The following NCAM2 variants were observed in gnomAD, a reference collection of about 807,000 sequenced individuals.
NCAM2 encodes the protein neural cell adhesion molecule 2, also known as N-CAM-2.
NCAM2 carries 30 observed loss-of-function variants against 98.1 expected under a neutral mutation model. The observed-to-expected ratio is 0.31, with a 90% CI of 0.23 to 0.41. NCAM2 has a LOEUF of 0.41. NCAM2 is among the 10% of genes least tolerant of loss of function. The pLI is 1.00. For missense variants in NCAM2, 867 were observed against 1,005.8 expected, an observed-to-expected ratio of 0.86 and a Z score of 1.87; for synonymous variants, 368 against 342.4, an observed-to-expected ratio of 1.07 and a Z score of -0.83.
chr21:21,468,590 T>C, intron 13 of NCAM2, 72 bp from the exon 14 acceptor site: 2 of 1,439,524 alleles, frequency 1.4e-6, no homozygotes, highest in Non-Finnish European at 1.9e-6. Context: ...TTACTGTTCT[T>C]TTTATTAAAA....
intron 1 of NCAM2, among the ~76,000 whole-genome samples, chr21:21,114,385 A>G (rs2066512467): frequency 6.6e-6 from 1 of 152,222 alleles, no homozygotes; most frequent in South Asian, 2.1e-4. Context: ...TTGTCTGTTT[A>G]AAAATATCAT....
At chr21:21,114,321 T>C (rs1344758448) in intron 1 of NCAM2, among the ~76,000 whole-genome samples, 1 of 152,182 alleles carries the variant, frequency 6.6e-6, no homozygotes, top group East Asian at 1.9e-4. Context: ...TCTACAAAAA[T>C]TGTATTCTTT....
chr21:21,382,812 G>A (rs531107459), intron 9 of NCAM2, among the ~76,000 whole-genome samples: 8 of 152,070 alleles, frequency 5.3e-5, no homozygotes, highest in Non-Finnish European at 8.8e-5. Flanking sequence ...TTACAGGCGG[G>A]AGCCACTGCG....
intron 1 of NCAM2, among the ~76,000 whole-genome samples, chr21:21,253,813 C>G (rs62209210): frequency 0.024 from 3,635 of 152,174 alleles, 72 homozygotes; most frequent in Admixed American, 0.055. Flanking sequence ...AGGGAAATCG[C>G]TTAAACACTT....
intron 1 of NCAM2, among the ~76,000 whole-genome samples, chr21:21,042,034 C>T (rs73895159): frequency 3.3e-5 from 5 of 152,108 alleles, no homozygotes; most frequent in African/African-American, 9.7e-5. Flanking sequence ...CCCTTCCTAA[C>T]ATATTTTCAT....
chr21:21,168,536 TA>T (rs1278484505), intron 1 of NCAM2, among the ~76,000 whole-genome samples: 3 of 152,078 alleles, frequency 2.0e-5, no homozygotes, highest in Non-Finnish European at 4.4e-5. Flanking sequence ...GGTGTTTATT[TA>T]AAAAATCCAA....
intron 1 of NCAM2, among the ~76,000 whole-genome samples, chr21:21,048,820 A>T (rs763590726): frequency 9.9e-5 from 15 of 152,194 alleles, no homozygotes; most frequent in Non-Finnish European, 2.1e-4. Flanking sequence ...AAAATATTTT[A>T]CAGAGTTTGA....
chr21:21,409,926 G>T (rs565324024), intron 9 of NCAM2, among the ~76,000 whole-genome samples: 2 of 152,180 alleles, frequency 1.3e-5, no homozygotes, highest in East Asian at 3.9e-4. Flanking sequence ...GAGGTCAGGA[G>T]ATCGAGACCA....
chr21:21,329,390 T>C (rs547262534), intron 6 of NCAM2, among the ~76,000 whole-genome samples: 2 of 152,180 alleles, frequency 1.3e-5, no homozygotes, highest in Admixed American at 1.3e-4. Context: ...CTAGGAGAAA[T>C]AGGCCATACC....
intron 1 of NCAM2, among the ~76,000 whole-genome samples, chr21:21,208,110 A>G (rs1011198066): frequency 2.0e-5 from 3 of 152,198 alleles, no homozygotes; most frequent in Non-Finnish European, 4.4e-5. Flanking sequence ...ATGCTGTGTT[A>G]GATCATAAGC....
intron 8 of NCAM2, among the ~76,000 whole-genome samples, chr21:21,353,571 C>A (rs1474594889): frequency 1.2e-4 from 18 of 152,104 alleles, no homozygotes; most frequent in Non-Finnish European, 1.5e-5. Context: ...ATTCTCAGGC[C>A]ACTCTTAAGT....
intron 1 of NCAM2, among the ~76,000 whole-genome samples, chr21:21,258,988 C>T (rs73318631): frequency 0.017 from 2,640 of 152,244 alleles, 77 homozygotes; most frequent in African/African-American, 0.06. Context: ...CGGCCACGAA[C>T]AGATGTGGAG....
At chr21:21,030,430 C>G (rs2064654917) in intron 1 of NCAM2, among the ~76,000 whole-genome samples, 1 of 152,254 alleles carries the variant, frequency 6.6e-6, no homozygotes, top group East Asian at 1.9e-4. Context: ...AGAAGTTTCC[C>G]TCCTCTTCTG....
At chr21:21,396,544 T>C (rs767526802) in intron 9 of NCAM2, among the ~76,000 whole-genome samples, 2 of 152,104 alleles carry the variant, frequency 1.3e-5, no homozygotes, top group African/African-American at 4.8e-5. Flanking sequence ...GCTCATGCTA[T>C]TGGCCTAGAT....
At chr21:21,022,312 T>C (rs2146190623) in intron 1 of NCAM2, among the ~76,000 whole-genome samples, 1 of 152,248 alleles carries the variant, frequency 6.6e-6, no homozygotes, top group African/African-American at 2.4e-5. Flanking sequence ...ATACAACACT[T>C]TCCTTCTCAA....
chr21:21,240,672 C>G (rs771134788), intron 1 of NCAM2, among the ~76,000 whole-genome samples: 1 of 152,148 alleles, frequency 6.6e-6, no homozygotes, highest in Non-Finnish European at 1.5e-5. Flanking sequence ...ATTTTTATAT[C>G]TACCATCTCA....
chr21:21,133,489 T>A (rs965845237), intron 1 of NCAM2, among the ~76,000 whole-genome samples: 1 of 152,178 alleles, frequency 6.6e-6, no homozygotes, highest in Non-Finnish European at 1.5e-5. Context: ...CCATATCTGA[T>A]TTCAAGGAGG....
intron 1 of NCAM2, among the ~76,000 whole-genome samples, chr21:21,032,944 C>T (rs1180736403): frequency 1.3e-5 from 2 of 148,644 alleles, no homozygotes; most frequent in Non-Finnish European, 1.5e-5. Flanking sequence ...TTCTTTCTTT[C>T]TTTTTTTTTT....
intron 11 of NCAM2, among the ~76,000 whole-genome samples, chr21:21,430,632 T>C (rs543337046): frequency 9.9e-5 from 15 of 151,864 alleles, no homozygotes; most frequent in Non-Finnish European, 1.8e-4. Context: ...AGACCATTTA[T>C]AAAACAATCT....
Sources: allele counts gnomAD v4.1 joint callset (sites outside exome capture counted in the v4.1 genomes callset), GRCh38; gene constraint gnomAD v4.1.1; transcripts MANE v1.5; gene names NCBI Gene and HGNC (gene_info 2026-07-23, HGNC 2026-07-21).